Variants in AVEN observed in about 807,000 individuals in gnomAD.
AVEN encodes the protein cell death regulator Aven.
In AVEN, 41 loss-of-function variants were observed where a neutral mutation model predicts 38.1. That is an observed-to-expected ratio of 1.08 (90% CI 0.84 to 1.40). AVEN has a LOEUF of 1.40. Among genes scored for constraint, AVEN ranks in the 40% most tolerant of loss-of-function variants. AVEN has a pLI of 0.00. For synonymous variants in AVEN, 206 were observed against 171.8 expected, an observed-to-expected ratio of 1.20 and a Z score of -1.56; for missense variants, 605 against 438.8, an observed-to-expected ratio of 1.38 and a Z score of -3.38.
At chr15:34,044,807 T>C (rs1899625757) in intron 5 of AVEN, among the ~76,000 whole-genome samples, 5 of 152,160 alleles carry the variant, frequency 3.3e-5, no homozygotes, top group Admixed American at 3.3e-4. Context: ...TCCCAGCACT[T>C]TGGGAGGCCG....
chr15:33,897,810 A>T (rs1892301418), intron 2 of AVEN, among the ~76,000 whole-genome samples: 1 of 152,114 alleles, frequency 6.6e-6, no homozygotes, highest in Admixed American at 6.5e-5. Context: ...TGAGCCAAGG[A>T]GTTTTAGGTT....
chr15:33,857,573 C>T (rs1030873148), downstream of AVEN, among the ~76,000 whole-genome samples: 2 of 152,134 alleles, frequency 1.3e-5, no homozygotes, highest in Admixed American at 6.5e-5. Context: ...TCTTTTCTGC[C>T]AGGAAGCCCG....
chr15:33,905,869 C>T (rs1393243470), intron 2 of AVEN, among the ~76,000 whole-genome samples: 1 of 151,838 alleles, frequency 6.6e-6, no homozygotes, highest in African/African-American at 2.4e-5. Context: ...CAGACACCCA[C>T]CCAATTCAAC....
chr15:33,933,994 C>T (rs76679751), intron 2 of AVEN, among the ~76,000 whole-genome samples: 4 of 152,174 alleles, frequency 2.6e-5, no homozygotes, highest in African/African-American at 9.7e-5. Flanking sequence ...TGGTTTGAAA[C>T]AGGAATTTTC....
chr15:34,003,917 A>G (rs1302762445), intron 1 of AVEN, among the ~76,000 whole-genome samples: 1 of 152,242 alleles, frequency 6.6e-6, no homozygotes, highest in Non-Finnish European at 1.5e-5. Context: ...GATGTTATAT[A>G]TTGACTCAAA....
chr15:33,873,598 T>A (rs1891094691), intron 3 of AVEN, among the ~76,000 whole-genome samples: 1 of 148,566 alleles, frequency 6.7e-6, no homozygotes, highest in Admixed American at 6.8e-5. Context: ...ATAATACGTA[T>A]TATATATTAT....
intron 2 of AVEN, among the ~76,000 whole-genome samples, chr15:33,900,281 G>A (rs890660507): frequency 6.6e-6 from 1 of 151,022 alleles, no homozygotes; most frequent in Admixed American, 6.7e-5. Flanking sequence ...ACTTAGTGCG[G>A]GAAAGTGGAT....
intron 2 of AVEN, among the ~76,000 whole-genome samples, chr15:33,890,518 G>T (rs1336012363): frequency 6.6e-6 from 1 of 152,094 alleles, no homozygotes; most frequent in Non-Finnish European, 1.5e-5. Context: ...AATAAGGGGG[G>T]AAATCATGTT....
At chr15:33,982,056 A>G (rs1896174815) in intron 2 of AVEN, among the ~76,000 whole-genome samples, 2 of 151,544 alleles carry the variant, frequency 1.3e-5, no homozygotes, top group Non-Finnish European at 1.5e-5. Flanking sequence ...TAGTAGAGAC[A>G]AGATTTCACC....
intron 2 of AVEN, among the ~76,000 whole-genome samples, chr15:33,994,081 T>G (rs566859178): frequency 7.2e-5 from 11 of 152,302 alleles, no homozygotes; most frequent in African/African-American, 2.2e-4. Context: ...CCCCAGACCA[T>G]GGATCAGTAC....
chr15:33,870,149 C>T (rs1351170508), intron 4 of AVEN, among the ~76,000 whole-genome samples: 2 of 152,104 alleles, frequency 1.3e-5, no homozygotes, highest in African/African-American at 4.8e-5. Flanking sequence ...GTTAATTGTA[C>T]CTTTGAAGTA....
intron 1 of AVEN, among the ~76,000 whole-genome samples, chr15:34,015,387 C>A (rs1897847253): frequency 6.6e-6 from 1 of 152,012 alleles, no homozygotes; most frequent in African/African-American, 2.4e-5. Context: ...GAGGCTGAGG[C>A]AGGAGAATAG....
chr15:33,869,948 T>G (rs1486267068), intron 4 of AVEN, among the ~76,000 whole-genome samples: 3 of 152,166 alleles, frequency 2.0e-5, no homozygotes, highest in Admixed American at 1.3e-4. Context: ...TTTGTATTTC[T>G]AGCCCTTGAT....
intron 2 of AVEN, among the ~76,000 whole-genome samples, chr15:33,927,493 A>G (rs1725691781): frequency 6.6e-6 from 1 of 152,142 alleles, no homozygotes; most frequent in African/African-American, 2.4e-5. Flanking sequence ...CACTGTTTCT[A>G]ACCATACTTT....
chr15:33,861,173 C>A, intron 11 of AVEN: 6 of 1,583,880 alleles, frequency 3.8e-6, no homozygotes, highest in Non-Finnish European at 5.2e-6. Context: ...ACTTAGCCAA[C>A]TACTTGTGAG....
chr15:33,992,304 G>A (rs1381164600), intron 2 of AVEN, among the ~76,000 whole-genome samples: 21 of 152,158 alleles, frequency 1.4e-4, no homozygotes, highest in Admixed American at 1.4e-3. Context: ...GGAGGAGAAT[G>A]GCGTCAGCCC....
At chr15:34,000,451 G>A (rs1046991589) in intron 2 of AVEN, among the ~76,000 whole-genome samples, 5 of 152,142 alleles carry the variant, frequency 3.3e-5, no homozygotes, top group Admixed American at 6.5e-5. Flanking sequence ...CAGAGATGAC[G>A]AACACCAGGA....
At chr15:33,861,309 C>G (rs1362082228), downstream of AVEN, 2 of 604,120 alleles carry the variant, frequency 3.3e-6, no homozygotes, top group Admixed American at 2.6e-5. Context: ...TGAGCCTGTA[C>G]CTTTGTCCAT....
Position 33,909,559 on chromosome 15 carries a change from A to C in AVEN, c.446-33564T>G, listed in dbSNP as rs1190065457. Among the ~76,000 whole-genome samples the C allele has an allele frequency of 2.6e-5, 4 of 152,324 alleles. No homozygotes were observed. In the East Asian group the frequency reaches 5.8e-4, roughly 22 times the overall value. On this transcript the variant is annotated intron_variant, in intron 2 of 5. Transcript: ENST00000306730. Reference sequence around the variant, plus strand: ...ACAAAGGTGATGGCTTCTTAATTGCAGGCACTGTCAACACAATGTTCTTTG... The same window carrying C: ...ACAAAGGTGATGGCTTCTTAATTGCCGGCACTGTCAACACAATGTTCTTTG...
Sources: gnomAD v4.1 joint callset for allele counts (sites outside exome capture counted in the v4.1 genomes callset) on GRCh38, gnomAD v4.1.1 for gene constraint, MANE v1.5 for transcripts, NCBI Gene and HGNC (gene_info 2026-07-23, HGNC 2026-07-21) for gene names.